GLIS3: variants seen among roughly 807,000 people sequenced by gnomAD.
GLIS3 encodes the protein GLIS family zinc finger 3, also known as zinc finger protein GLIS3.
A neutral mutation model predicts 78.6 loss-of-function variants in GLIS3; 53 were observed. That is an observed-to-expected ratio of 0.67 (90% CI 0.54 to 0.85). The LOEUF (loss-of-function observed/expected upper bound fraction) is 0.85, where lower values mean the gene tolerates loss of function less well. Among genes scored for constraint, GLIS3 ranks in the 40% least tolerant of loss-of-function variants. The pLI, the probability that GLIS3 is intolerant of heterozygous loss-of-function variation, is 0.00. For synonymous variants in GLIS3, 684 were observed against 509.9 expected, an observed-to-expected ratio of 1.34 and a Z score of -4.60; for missense variants, 1,703 against 1,231.1, an observed-to-expected ratio of 1.38 and a Z score of -5.74.
intron 2 of GLIS3, among the ~76,000 whole-genome samples, chr9:4,207,227 C>T (rs905965705): frequency 9.2e-5 from 14 of 152,154 alleles, no homozygotes; most frequent in African/African-American, 2.9e-4. Context: ...CTGAAGCTGC[C>T]CCCTTCGTCC....
intron 2 of GLIS3, among the ~76,000 whole-genome samples, chr9:4,244,452 AAAAG>A (rs1197112385): frequency 6.6e-6 from 1 of 152,266 alleles, no homozygotes; most frequent in Non-Finnish European, 1.5e-5. Context: ...AATGAGTACA[AAAAG>A]AAAGCAGGTT....
At chr9:4,406,344 G>C in the GLIS3 span, among the ~76,000 whole-genome samples, 1 of 152,130 alleles carries the variant, frequency 6.6e-6, no homozygotes, top group Non-Finnish European at 1.5e-5. Context: ...ACAGAGTTTT[G>C]CTCTTGTCTC....
intron 2 of GLIS3, among the ~76,000 whole-genome samples, chr9:4,282,118 G>C (rs1338350323): frequency 6.6e-6 from 1 of 152,076 alleles, no homozygotes; most frequent in African/African-American, 2.4e-5. Flanking sequence ...GCAATTCTTA[G>C]GCAACTTAAC....
intron 4 of GLIS3, among the ~76,000 whole-genome samples, chr9:4,057,298 C>T (rs150212761): frequency 6.6e-6 from 1 of 152,142 alleles, no homozygotes; most frequent in African/African-American, 2.4e-5. Context: ...GAACAAGGGG[C>T]CCCACATTTT....
intron 3 of GLIS3, among the ~76,000 whole-genome samples, chr9:4,121,211 A>G (rs555800094): frequency 1.2e-4 from 18 of 152,296 alleles, no homozygotes; most frequent in Admixed American, 5.2e-4. Flanking sequence ...TAATCTTTCA[A>G]AGCTCTAATC....
At chr9:4,395,606 C>G in the GLIS3 span, among the ~76,000 whole-genome samples, 2 of 152,262 alleles carry the variant, frequency 1.3e-5, no homozygotes, top group East Asian at 3.9e-4. Context: ...CTTGTCAGTA[C>G]AAACCCCTAG....
At chr9:4,411,959 C>A in the GLIS3 span, among the ~76,000 whole-genome samples, 7 of 152,232 alleles carry the variant, frequency 4.6e-5, no homozygotes, top group Admixed American at 1.3e-4. Flanking sequence ...TGGCCTAATA[C>A]TAAATGAGTT....
chr9:4,298,576 C>G (rs12350099), intron 1 of GLIS3: 66,581 of 308,682 alleles, frequency 0.22, 8,764 homozygotes, highest in African/African-American at 0.4. Context: ...GGGCCGACTT[C>G]AAAATACACA....
intron 2 of GLIS3, among the ~76,000 whole-genome samples, chr9:4,153,489 A>G (rs1217091502): frequency 6.6e-6 from 1 of 152,156 alleles, no homozygotes; most frequent in Non-Finnish European, 1.5e-5. Context: ...ACTTCAGCCC[A>G]GGAGGCAGAG....
intron 4 of GLIS3, among the ~76,000 whole-genome samples, chr9:4,093,261 GAA>G (rs34660802): frequency 1.4e-5 from 2 of 143,246 alleles, no homozygotes. Flanking sequence ...ATGCTGCCTG[GAA>G]AAAAAAAAAA....
chr9:4,404,809 T>C, the GLIS3 span, among the ~76,000 whole-genome samples: 3 of 151,912 alleles, frequency 2.0e-5, no homozygotes, highest in African/African-American at 7.2e-5. Flanking sequence ...CTTAAAGAAC[T>C]AGACAAGCAG....
the GLIS3 span, among the ~76,000 whole-genome samples, chr9:4,389,537 T>C: frequency 6.6e-6 from 1 of 152,144 alleles, no homozygotes; most frequent in South Asian, 2.1e-4. Flanking sequence ...TTTCCAAAGG[T>C]TCTTGGATCT....
chr9:4,089,039 T>A (rs555162067), intron 4 of GLIS3, among the ~76,000 whole-genome samples: 1 of 152,370 alleles, frequency 6.6e-6, no homozygotes, highest in South Asian at 2.1e-4. Flanking sequence ...AGAAAGACTT[T>A]CCCCAGCAAC....
chr9:4,015,376 G>A (rs1321398610), intron 4 of GLIS3, among the ~76,000 whole-genome samples: 1 of 152,108 alleles, frequency 6.6e-6, no homozygotes, highest in Admixed American at 6.5e-5. Flanking sequence ...TTCACAAAAT[G>A]TTAATGAGAT....
the GLIS3 span, among the ~76,000 whole-genome samples, chr9:4,388,255 TAAGAG>T: frequency 6.6e-6 from 1 of 152,288 alleles, no homozygotes; most frequent in Admixed American, 6.5e-5. Flanking sequence ...TATTAAAAGA[TAAGAG>T]TTTCATGATA....
Position 4,293,012 on chromosome 9 carries a change from G to A in GLIS3, c.-99+6409C>T, listed in dbSNP as rs190474146. 4.1e-3 allele frequency among the ~76,000 whole-genome samples: 618 copies of A among 152,282 alleles called. 4 individuals carry two copies. The highest frequency in any genetic ancestry group is 7.2e-3 in the Non-Finnish European group (489 of 68,008). On this transcript the variant is annotated intron_variant, in intron 1 of 10. Transcript: ENST00000381971. ...AGACACAAAGGCTTCTTCTTCAGAA[G>A]TATAGAAGTAAAATAACTGGCTGGA...
At chr9:4,049,571 T>A (rs940929404) in intron 4 of GLIS3, among the ~76,000 whole-genome samples, 3 of 152,128 alleles carry the variant, frequency 2.0e-5, no homozygotes, top group East Asian at 3.9e-4. Context: ...TTCATACATA[T>A]ATCCCCACCT....
Position 4,328,316 on chromosome 9 carries a change from C to T in GLIS3, n.265-17788G>A, listed in dbSNP as rs188499063. Among the ~76,000 whole-genome samples the T allele has an allele frequency of 1.8e-3, 279 of 152,268 alleles. 1 individual carries two copies. Among genetic ancestry groups the T allele is most frequent in the African/African-American group, 6.6e-3 (276 of 41,544 alleles). On this transcript the variant is annotated intron_variant and non_coding_transcript_variant, in intron 2 of 4. Transcript: ENST00000471664. ...CTGAAGAAGAGCTTGGTCACAGCTC[C>T]CCCTGAAGTTCCAGTTGAACAAAAC...
At chr9:4,319,114 T>C (rs1036943673) in intron 2 of GLIS3, among the ~76,000 whole-genome samples, 9 of 152,146 alleles carry the variant, frequency 5.9e-5, no homozygotes, top group African/African-American at 1.9e-4. Context: ...AGACAAAATA[T>C]ACATGACAAC....
Sources: allele counts gnomAD v4.1 joint callset (sites outside exome capture counted in the v4.1 genomes callset), GRCh38; gene constraint gnomAD v4.1.1; transcripts MANE v1.5; gene names NCBI Gene and HGNC (gene_info 2026-07-23, HGNC 2026-07-21).